The following CCDC81 variants were observed in gnomAD, a reference collection of about 807,000 sequenced individuals.
CCDC81 encodes coiled-coil domain containing 81, also known as coiled-coil domain-containing protein 81.
CCDC81 carries 79 observed loss-of-function variants against 83.7 expected under a neutral mutation model. The ratio of observed to expected loss-of-function variants is 0.94; its 90% CI spans 0.79 to 1.14. CCDC81 has a LOEUF of 1.14. CCDC81 is among the 50% of genes most tolerant of loss of function. The pLI is 0.00. For synonymous variants in CCDC81, 252 were observed against 278.1 expected (o/e 0.91, Z 0.93); for missense variants, 791 against 778.1 (o/e 1.02, Z -0.20).
intron 1 of CCDC81, among the ~76,000 whole-genome samples, chr11:86,383,896 T>C (rs1341399670): frequency 6.6e-6 from 1 of 152,236 alleles, no homozygotes; most frequent in East Asian, 1.9e-4. Context: ...TAATTAGTTC[T>C]GCTCTTATGT....
intron 7 of CCDC81, among the ~76,000 whole-genome samples, chr11:86,403,979 A>C (rs1284531366): frequency 2.0e-5 from 3 of 152,150 alleles, no homozygotes; most frequent in Non-Finnish European, 4.4e-5. Context: ...TATTCAAAAT[A>C]GGGACTACTA....
intron 13 of CCDC81, 70 bp from the exon 14 acceptor site, chr11:86,419,858 G>C: frequency 6.6e-7 from 1 of 1,507,048 alleles, no homozygotes; most frequent in East Asian, 2.3e-5. Context: ...AACATAAAAG[G>C]AATGGGGCTC....
In CCDC81 at chr11:86,387,535, T is replaced by C. The variant is rs1471664132; in HGVS notation, c.161T>C (p.Phe54Ser). The C allele has an allele frequency of 6.2e-7, 1 of 1,614,058 alleles. No homozygotes were observed. ...TTTCAGGGGGTTCAGATTCCAGCAT[T>C]TGGAACTTTCACTTTCATAAGACAA... ...TLHKGVQIPAFGTFTFIRQKL... is the reference protein window; with the variant it reads ...TLHKGVQIPASGTFTFIRQKL... The change falls in exon 3 of 15, where the codon TTT becomes TCT. Residue 54 changes from phenylalanine to serine, a missense_variant. By Grantham distance (155) the Phe-to-Ser change is radical. Transcript: ENST00000445632.
At chr11:86,384,812 T>G (rs1421666050) in intron 1 of CCDC81, among the ~76,000 whole-genome samples, 1 of 152,252 alleles carries the variant, frequency 6.6e-6, no homozygotes, top group Non-Finnish European at 1.5e-5. Context: ...GAAAGTATCT[T>G]TGATAAACAC....
rs116711761 is a variant in CCDC81 at position 86,416,533 on chromosome 11, A to G, written c.1691+1220A>G. On this transcript the variant is annotated intron_variant, in intron 13 of 14. Coordinates refer to ENST00000445632, the MANE Select transcript of CCDC81 (RefSeq NM_001156474.2). ...GTATGACTTGGGCCAGATCACATGT[A>G]AGGTCTCTGAGCCTTATTGTCCTCA... is the stretch of plus-strand genomic sequence containing the variant. Among the ~76,000 whole-genome samples, 946 of 152,310 alleles carry G rather than the reference A, an allele frequency of 6.2e-3. 9 individuals carry two copies. The highest frequency in any genetic ancestry group is 0.022 in the African/African-American group (920 of 41,556).
At chr11:86,409,452 TTTTTTA>T (rs1365098785) in intron 10 of CCDC81, 87 bp downstream of exon 10, 5 of 581,502 alleles carry the variant, frequency 8.6e-6, no homozygotes, top group Non-Finnish European at 1.2e-5. Context: ...TTGTGCCTTA[TTTTTTA>T]TTTTTATTTT....
chr11:86,374,980 G>T lies in CCDC81; in HGVS notation c.-184G>T, dbSNP rs1948079383. 1.5e-6 allele frequency: 1 copy of T among 649,912 alleles called. No individual in the cohort carries two copies. Among genetic ancestry groups the T allele is most frequent in the Admixed American group, 2.3e-5 (1 of 43,934 alleles). 40.3% of individuals were successfully genotyped at this position (649,912 alleles called of 1,614,324 possible). ...AGGGACGGCGAGAACCAATGTTTAA[G>T]TTTATTTAAGAAAGAAGAAAAAGAG... On this transcript the variant is annotated 5_prime_UTR_variant, in exon 1 of 15. Transcript: ENST00000445632.
At chr11:86,393,022 G>A (rs930459969) in intron 4 of CCDC81, among the ~76,000 whole-genome samples, 1 of 152,126 alleles carries the variant, frequency 6.6e-6, no homozygotes, top group African/African-American at 2.4e-5. Flanking sequence ...AAATAGTAAC[G>A]GAAACTCTTA....
At chr11:86,410,909 T>G (rs1948633619) in intron 10 of CCDC81, among the ~76,000 whole-genome samples, 1 of 152,176 alleles carries the variant, frequency 6.6e-6, no homozygotes, top group African/African-American at 2.4e-5. Context: ...TCCAAATGTC[T>G]TCATCTTTAA....
rs191770704 is a variant in CCDC81 at position 86,422,777 on chromosome 11, G to T, written c.*62G>T. 33 of 1,515,146 alleles carry T rather than the reference G, an allele frequency of 2.2e-5. No homozygotes were observed. The African/African-American group carries it at 3.6e-4, about 17-fold the overall frequency. The allele number at this position is 1,515,146 out of a possible 1,614,324, so 93.9% of individuals were successfully genotyped here. On this transcript the variant is annotated 3_prime_UTR_variant, in exon 15 of 15. Transcript: ENST00000445632. ...TTTTATCTTTTACATGTTTGGGGGT[G>T]ATTGTGAAACTGCGTATTTTTACCT...
intron 10 of CCDC81, among the ~76,000 whole-genome samples, chr11:86,410,175 C>G (rs1466446989): frequency 6.6e-6 from 1 of 152,244 alleles, no homozygotes; most frequent in Non-Finnish European, 1.5e-5. Context: ...TTTCAATCAT[C>G]ATGTGCCTAC....
chr11:86,377,737 C>T (rs903894527), intron 1 of CCDC81, among the ~76,000 whole-genome samples: 5 of 152,002 alleles, frequency 3.3e-5, no homozygotes, highest in African/African-American at 1.2e-4. Flanking sequence ...ATTCTCTTGA[C>T]ATTGTTTTTC....
At position 86,397,680 on chromosome 11, in the gene CCDC81, G is replaced by T; in HGVS notation, c.695G>T (p.Gly232Val). The change falls in exon 6 of 15, where the codon GGA becomes GTA. Residue 232 changes from glycine (G) to valine (V), a missense_variant. By Grantham distance (109) the Gly-to-Val change is moderately radical. Coordinates refer to ENST00000445632, the MANE Select transcript of CCDC81 (RefSeq NM_001156474.2). The part of the protein sequence containing the change: ...LPMETLVEEC[G>V]ENRERKCKLK... The stretch of plus-strand genomic sequence containing the variant: ...ATGGAGACCCTTGTAGAAGAATGTG[G>T]AGAGAATAGAGAAAGGAAGTGCAAG... 1 of 1,613,936 alleles carries T rather than the reference G, an allele frequency of 6.2e-7. No individual in the cohort carries two copies. The highest frequency in any genetic ancestry group is 2.2e-5 in the East Asian group (1 of 44,872).
intron 11 of CCDC81, 105 bp downstream of exon 11, chr11:86,412,664 T>C: frequency 1.9e-6 from 2 of 1,053,280 alleles, no homozygotes; most frequent in East Asian, 5.3e-5. Context: ...TAGCACACTG[T>C]AACCAACTGA....
rs780515530 is a variant in CCDC81 at position 86,387,557 on chromosome 11, A to G, written c.183A>G (p.Arg61=). 1.2e-6 allele frequency: 2 copies of G among 1,614,112 alleles called. No homozygotes were observed. The highest frequency in any genetic ancestry group is 2.2e-5 in the East Asian group (1 of 44,878). The part of the protein sequence containing the change: ...IPAFGTFTFI[R]QKLEVGNNKF... ...CATTTGGAACTTTCACTTTCATAAG[A>G]CAAAAGCTTGAGGTGGGAAACAACA... is the stretch of plus-strand genomic sequence containing the variant. The change falls in exon 3 of 15, where the codon AGA becomes AGG. Residue 61 remains arginine, a synonymous_variant. Coordinates refer to ENST00000445632, the MANE Select transcript of CCDC81 (RefSeq NM_001156474.2).
At chr11:86,417,410 A>G (rs1948735368) in intron 13 of CCDC81, among the ~76,000 whole-genome samples, 1 of 152,046 alleles carries the variant, frequency 6.6e-6, no homozygotes, top group South Asian at 2.1e-4. Context: ...CTTTTTAAGC[A>G]ATATGCACAT....
intron 1 of CCDC81, among the ~76,000 whole-genome samples, chr11:86,375,552 T>A (rs1565755093): frequency 1.3e-5 from 2 of 152,138 alleles, no homozygotes; most frequent in South Asian, 4.1e-4. Flanking sequence ...CTGGGATGGA[T>A]CACAACCCTT....
At chr11:86,381,028 T>C (rs115529640) in intron 1 of CCDC81, among the ~76,000 whole-genome samples, 3,801 of 152,192 alleles carry the variant, frequency 0.025, 156 homozygotes, top group African/African-American at 0.087. Context: ...TGGGTAAAAG[T>C]AACTGCTATA....
intron 4 of CCDC81, among the ~76,000 whole-genome samples, chr11:86,394,446 A>G (rs1022231375): frequency 1.2e-4 from 19 of 152,208 alleles, no homozygotes; most frequent in African/African-American, 4.1e-4. Context: ...AGTCAGTTTA[A>G]CTGCCTGAAT....
Sources: gnomAD v4.1 joint callset for allele counts (sites outside exome capture counted in the v4.1 genomes callset) on GRCh38, gnomAD v4.1.1 for gene constraint, MANE v1.5 for transcripts, NCBI Gene and HGNC (gene_info 2026-07-23, HGNC 2026-07-21) for gene names.